Variants in HEATR4 observed in about 807,000 individuals in gnomAD.
HEATR4 encodes the protein HEAT repeat-containing protein 4.
A neutral mutation model predicts 108.8 loss-of-function variants in HEATR4; 95 were observed. The ratio of observed to expected loss-of-function variants is 0.87; its 90% confidence interval spans 0.74 to 1.04. The LOEUF is 1.04. Ranked by LOEUF, HEATR4 falls within the 50% of genes least tolerant of loss-of-function variation. The pLI, the probability that HEATR4 is intolerant of heterozygous loss-of-function variation, is 0.00. For synonymous variants in HEATR4, 443 were observed against 459.4 expected, an observed-to-expected ratio of 0.96 and a Z score of 0.46; for missense variants, 1,152 against 1,253.8, an observed-to-expected ratio of 0.92 and a Z score of 1.23.
the HEATR4 span, chr14:73,596,427 A>G: frequency 6.6e-6 from 1 of 152,214 alleles, no homozygotes; most frequent in East Asian, 1.9e-4. Flanking sequence ...CCGGGAGGTC[A>G]AGATTGGTGC....
chr14:73,487,798 G>A (rs1885509470), intron 17 of HEATR4, among the ~76,000 whole-genome samples: 2 of 152,166 alleles, frequency 1.3e-5, no homozygotes, highest in African/African-American at 2.4e-5. Context: ...AGCGCCTTTG[G>A]AGAGGAGATG....
At chr14:73,574,524 A>G in the HEATR4 span, 2 of 375,872 alleles carry the variant, frequency 5.3e-6, no homozygotes, top group Non-Finnish European at 9.9e-6. Context: ...CAGCCTCCCA[A>G]ACTGTTGGGA....
chr14:73,625,082 T>C, the HEATR4 span, among the ~76,000 whole-genome samples: 1 of 151,712 alleles, frequency 6.6e-6, no homozygotes, highest in Non-Finnish European at 1.5e-5. Context: ...ATTTATGAGA[T>C]GGAGTCTTGC....
At chr14:73,530,377 C>T (rs1888633510) in intron 1 of HEATR4, 133 bp from the exon 2 acceptor site, 1 of 133,606 alleles carries the variant, frequency 7.5e-6, no homozygotes. Context: ...ATACACAATA[C>T]ATTTAAAGAA....
intron 17 of HEATR4, chr14:73,491,102 G>A (rs930517017): frequency 6.2e-7 from 1 of 1,606,080 alleles, no homozygotes; most frequent in Non-Finnish European, 8.5e-7. Flanking sequence ...CAGCGGGTCG[G>A]TCCTGGCCCT....
At chr14:73,578,827 C>T in the HEATR4 span, among the ~76,000 whole-genome samples, 7 of 151,752 alleles carry the variant, frequency 4.6e-5, 1 homozygote, top group Non-Finnish European at 8.8e-5. Flanking sequence ...TGGCTCATGC[C>T]TGTAATCCCA....
the HEATR4 span, among the ~76,000 whole-genome samples, chr14:73,590,736 G>A: frequency 2.0e-5 from 3 of 151,724 alleles, no homozygotes; most frequent in African/African-American, 4.8e-5. Context: ...CAAGTGCGGG[G>A]CCGCCGAGCC....
chr14:73,584,651 A>G, the HEATR4 span, among the ~76,000 whole-genome samples: 24 of 147,334 alleles, frequency 1.6e-4, no homozygotes, highest in East Asian at 4.5e-3. Flanking sequence ...CACTGCCTGT[A>G]CCATCATAAA....
chr14:73,569,953 T>A, the HEATR4 span: 2 of 1,508,688 alleles, frequency 1.3e-6, no homozygotes, highest in Admixed American at 4.1e-5. Flanking sequence ...CGCCCCACGC[T>A]TTTCGCTTAT....
At chr14:73,631,523 G>T in the HEATR4 span, 4 of 154,800 alleles carry the variant, frequency 2.6e-5, no homozygotes, top group African/African-American at 9.7e-5. Context: ...GCCGCAAAGG[G>T]CATCCCAGAA....
chr14:73,567,941 C>G, the HEATR4 span: 1 of 152,136 alleles, frequency 6.6e-6, no homozygotes, highest in Admixed American at 6.6e-5. Flanking sequence ...AGGAAACAAA[C>G]TCCAGACACA....
At chr14:73,511,930 G>A in intron 7 of HEATR4, 76 bp downstream of exon 7, 2 of 1,576,774 alleles carry the variant, frequency 1.3e-6, no homozygotes, top group South Asian at 2.2e-5. Flanking sequence ...GATAAGCCCT[G>A]GGTCCCTACC....
intron 17 of HEATR4, chr14:73,491,172 C>A: frequency 6.2e-7 from 1 of 1,601,774 alleles, no homozygotes. Flanking sequence ...CGCATGGCAG[C>A]GCTGAGGACG....
the HEATR4 span, chr14:73,571,081 G>A: frequency 6.6e-6 from 1 of 151,378 alleles, no homozygotes; most frequent in South Asian, 2.1e-4. Flanking sequence ...AGAGGTTTTG[G>A]TGCCTGCCCG....
chr14:73,495,219 G>A lies in HEATR4; in HGVS notation c.2785+9C>T, dbSNP rs1886041824. On this transcript the variant is annotated intron_variant, in intron 16 of 17. Transcript: ENST00000553558. ...ATCAAGGCATGGAACTCACCCCTAGGAAACCTACCCTGAAAAGTTTCTTGG... is the reference window on the plus strand; with the variant it reads ...ATCAAGGCATGGAACTCACCCCTAGAAAACCTACCCTGAAAAGTTTCTTGG... 2.5e-6 allele frequency: 4 copies of A among 1,611,790 alleles called. No homozygotes were observed. The highest frequency in any genetic ancestry group is 1.7e-5 in the Admixed American group (1 of 59,642).
chr14:73,497,365 T>C (rs1476631635), intron 14 of HEATR4, among the ~76,000 whole-genome samples: 1 of 152,094 alleles, frequency 6.6e-6, no homozygotes, highest in Non-Finnish European at 1.5e-5. Flanking sequence ...AAGGTGCCAA[T>C]AGGTACCATT....
intron 17 of HEATR4, among the ~76,000 whole-genome samples, chr14:73,489,970 AAAG>A (rs1272322278): frequency 2.6e-5 from 4 of 152,162 alleles, no homozygotes; most frequent in African/African-American, 7.2e-5. Context: ...CATTCCTTGA[AAAG>A]AAGAATTCTG....
Position 73,541,639 on chromosome 14 carries a change from A to T in HEATR4, c.-151-11395T>A. 4.8e-6 allele frequency: 6 copies of T among 1,242,522 alleles called. 1 individual carries two copies. Among genetic ancestry groups the T allele is most frequent in the Non-Finnish European group, 6.4e-6 (6 of 935,682 alleles). The allele number at this position is 1,242,522 out of a possible 1,614,324, so 77.0% of individuals were successfully genotyped here. ...TGAAGACCTCCCCAAGACCATGGAG[A>T]CGCTCCATCTGGAGTACTTTGAAGA... On this transcript the variant is annotated intron_variant, in intron 1 of 17. Coordinates refer to ENST00000553558, the MANE Select transcript of HEATR4 (RefSeq NM_001220484.1).
At chr14:73,569,329 C>T in the HEATR4 span, 2 of 1,613,834 alleles carry the variant, frequency 1.2e-6, no homozygotes, top group African/African-American at 1.3e-5. Context: ...GTCCTTCGAG[C>T]GTCCCGGCTG....
Sources: allele counts gnomAD v4.1 joint callset (sites outside exome capture counted in the v4.1 genomes callset), GRCh38; gene constraint gnomAD v4.1.1; transcripts MANE v1.5; gene names NCBI Gene and HGNC (gene_info 2026-07-23, HGNC 2026-07-21).